Variants in PLEKHM1 observed in about 807,000 individuals in gnomAD.
PLEKHM1 encodes pleckstrin homology and RUN domain containing M1.
In PLEKHM1, 28 loss-of-function variants were observed where a neutral mutation model predicts 94.3. That is an observed-to-expected ratio of 0.30 (90% confidence interval 0.22 to 0.41). PLEKHM1 has a LOEUF of 0.41. Among genes scored for constraint, PLEKHM1 ranks in the 10% least tolerant of loss-of-function variants. The probability of loss-of-function intolerance (pLI) is 1.00; values close to 1 mark genes in which losing one functional copy is unlikely to be tolerated. For synonymous variants in PLEKHM1, 424 were observed against 581.2 expected (o/e 0.73, Z 3.89); for missense variants, 907 against 1,358.6 (o/e 0.67, Z 5.22).
intron 5 of PLEKHM1, among the ~76,000 whole-genome samples, chr17:45,458,671 A>G (rs56042601): frequency 1.7e-4 from 26 of 151,236 alleles, no homozygotes; most frequent in Admixed American, 3.3e-4. Flanking sequence ...GGGTTTCACC[A>G]TGTTGGCCAG....
intron 8 of PLEKHM1, among the ~76,000 whole-genome samples, chr17:45,446,597 G>A (rs563908925): frequency 6.6e-6 from 1 of 152,168 alleles, no homozygotes; most frequent in Non-Finnish European, 1.5e-5. Context: ...GCTTTGGCCT[G>A]GCTCAGATCT....
chr17:45,467,508 C>T (rs1325121427), intron 5 of PLEKHM1, among the ~76,000 whole-genome samples: 1 of 152,112 alleles, frequency 6.6e-6, no homozygotes, highest in African/African-American at 2.4e-5. Flanking sequence ...GCTGAGTGCA[C>T]CAGCTCATGC....
chr17:45,461,828 A>G (rs2051161264), intron 5 of PLEKHM1, among the ~76,000 whole-genome samples: 1 of 151,910 alleles, frequency 6.6e-6, no homozygotes, highest in African/African-American at 2.4e-5. Flanking sequence ...GGTTGCGGGG[A>G]GCATCTGGGG....
intron 6 of PLEKHM1, among the ~76,000 whole-genome samples, chr17:45,457,320 T>C (rs1298070638): frequency 1.3e-5 from 2 of 151,588 alleles, no homozygotes; most frequent in Non-Finnish European, 2.9e-5. Context: ...CCCAGCACTT[T>C]AGGAGGCCGA....
intron 5 of PLEKHM1, chr17:45,464,145 C>T (rs1236965489): frequency 2.6e-5 from 4 of 152,244 alleles, no homozygotes; most frequent in Admixed American, 2.6e-4. Flanking sequence ...AGATCCCAGA[C>T]ATGCATCACC....
chr17:45,442,042 C>T (rs985311549), intron 9 of PLEKHM1, among the ~76,000 whole-genome samples: 5 of 152,178 alleles, frequency 3.3e-5, no homozygotes, highest in Non-Finnish European at 7.4e-5. Context: ...CCTCTGCCCA[C>T]CCCTTCCCGG....
Position 45,477,968 on chromosome 17 carries a change from C to T in PLEKHM1, c.228G>A (p.Lys76=). The change falls in exon 3 of 12, where the codon AAG becomes AAA. Residue 76 remains lysine (K), a synonymous_variant. Coordinates refer to ENST00000430334, the MANE Select transcript of PLEKHM1 (RefSeq NM_014798.3). Reference sequence around the variant, plus strand: ...GCAGAGGCTTCTGGTGGGCACTTTTCTTCCTTTTTCCTCCGGCCTCAGCTC... The same window carrying T: ...GCAGAGGCTTCTGGTGGGCACTTTTTTTCCTTTTTCCTCCGGCCTCAGCTC... The part of the protein sequence containing the change: ...HIRAEAGGKR[K]KSAHQKPLPQ... The T allele has an allele frequency of 1.2e-6, 2 of 1,614,026 alleles. No individual in the cohort carries two copies. Among genetic ancestry groups the T allele is most frequent in the Non-Finnish European group, 1.7e-6 (2 of 1,179,964 alleles).
downstream of PLEKHM1, among the ~76,000 whole-genome samples, chr17:45,435,732 C>T (rs1284463276): frequency 2.6e-5 from 4 of 152,204 alleles, no homozygotes; most frequent in Non-Finnish European, 4.4e-5. Context: ...TCTCCCTGCC[C>T]ACTCCTGGCA....
In PLEKHM1 at chr17:45,468,492, T is replaced by C; in HGVS notation, c.1025A>G (p.His342Arg). ...IPTPQASLSL[H>R]GLNTSTYLHC... Reference sequence around the variant, plus strand: ...CAGGTATGTGCTGGTGTTGAGGCCATGGAGGGAGAGCGAGGCCTGTGGTGT... The same window carrying C: ...CAGGTATGTGCTGGTGTTGAGGCCACGGAGGGAGAGCGAGGCCTGTGGTGT... The change falls in exon 5 of 12, where the codon CAT (histidine) becomes CGT (arginine). Residue 342 changes from histidine to arginine, a missense_variant. His to Arg is a conservative substitution (Grantham distance 29). This residue lies in a region of PLEKHM1 where 477 missense variants were observed against 601.5 expected (regional missense o/e 0.79). Coordinates refer to ENST00000430334, the MANE Select transcript of PLEKHM1 (RefSeq NM_014798.3). The C allele has an allele frequency of 6.2e-7, 1 of 1,614,218 alleles. No homozygotes were observed. The highest frequency in any genetic ancestry group is 8.5e-7 in the Non-Finnish European group (1 of 1,180,040).
At position 45,436,927 on chromosome 17, in the gene PLEKHM1, G is replaced by C. The variant is rs1463450924; in HGVS notation, c.*931C>G. The C allele has an allele frequency of 4.5e-6, 2 of 449,084 alleles. No individual in the cohort carries two copies. The highest frequency in any genetic ancestry group is 4.7e-5 in the Admixed American group (2 of 42,428). The allele number at this position is 449,084 out of a possible 1,614,324, so 27.8% of individuals were successfully genotyped here. On this transcript the variant is annotated 3_prime_UTR_variant, in exon 12 of 12. Coordinates refer to ENST00000430334, the MANE Select transcript of PLEKHM1 (RefSeq NM_014798.3). ...GGCAGGGGTCAGTCAGGCAGAGAGTGTGACCCCGGGCACCCACCAAGGTGG... is the reference window on the plus strand; with the variant it reads ...GGCAGGGGTCAGTCAGGCAGAGAGTCTGACCCCGGGCACCCACCAAGGTGG...
At chr17:45,479,921 A>C (rs1182408698) in intron 2 of PLEKHM1, among the ~76,000 whole-genome samples, 1 of 152,268 alleles carries the variant, frequency 6.6e-6, no homozygotes, top group Admixed American at 6.5e-5. Context: ...AAATCACATA[A>C]GTGATTGGAA....
Position 45,447,361 on chromosome 17 carries a change from G to C in PLEKHM1, c.2644-1698C>G, listed in dbSNP as rs188352254. Among the ~76,000 whole-genome samples, 265 of 152,372 alleles carry C rather than the reference G, an allele frequency of 1.7e-3. 2 individuals are homozygous for C. Among genetic ancestry groups the C allele is most frequent in the Non-Finnish European group, 1.5e-3 (102 of 68,042 alleles). Reference sequence around the variant, plus strand: ...AGGGACAGCCCAATGGCAAACTCCTGGTGACTTGGGTCAAGCTGCTGTTCT... The same window carrying C: ...AGGGACAGCCCAATGGCAAACTCCTCGTGACTTGGGTCAAGCTGCTGTTCT... On this transcript the variant is annotated intron_variant, in intron 8 of 11. Coordinates refer to ENST00000430334, the MANE Select transcript of PLEKHM1 (RefSeq NM_014798.3).
intron 1 of PLEKHM1, among the ~76,000 whole-genome samples, chr17:45,490,418 CGGGCTGG>C (rs2052277087): frequency 6.6e-6 from 1 of 150,578 alleles, no homozygotes; most frequent in Non-Finnish European, 1.5e-5. Flanking sequence ...GATGCGGGCG[CGGGCTGG>C]GGGCTGGACA....
rs572389744 is a variant in PLEKHM1 at position 45,442,593 on chromosome 17, C to T, written c.2838-2367G>A. ...GCTAATTTTGTACTTTTAGTAGAGA[C>T]GGGGTTTCACTATGTTGGCCAGGCT... On this transcript the variant is annotated intron_variant, in intron 9 of 11. Transcript: ENST00000430334. Among the ~76,000 whole-genome samples, 433 of 152,226 alleles carry T rather than the reference C, an allele frequency of 2.8e-3. 2 individuals carry two copies. The highest frequency in any genetic ancestry group is 9.7e-3 in the African/African-American group (404 of 41,532).
chr17:45,486,744 G>C (rs1203147245), intron 1 of PLEKHM1, among the ~76,000 whole-genome samples: 1 of 152,142 alleles, frequency 6.6e-6, no homozygotes, highest in Non-Finnish European at 1.5e-5. Flanking sequence ...CTGAGCCTCT[G>C]GGGTTCCAGC....
At position 45,453,189 on chromosome 17, in the gene PLEKHM1, T is replaced by G; in HGVS notation, c.2497+166A>C. 1.5e-6 allele frequency: 1 copy of G among 669,486 alleles called. No homozygotes were observed. Among genetic ancestry groups the G allele is most frequent in the Non-Finnish European group, 2.7e-6 (1 of 365,944 alleles). The allele number at this position is 669,486 out of a possible 1,614,324, so 41.5% of individuals were successfully genotyped here. A position where few individuals can be genotyped will look rare whatever the true frequency, so the allele number is the denominator to read the frequency against. ...GCAGGGCACTGGCCCCAGCCGGGGC[T>G]GGGGAGGAGCAGAAGCTGTAGGGCA... On this transcript the variant is annotated intron_variant, in intron 7 of 11. Coordinates refer to ENST00000430334, the MANE Select transcript of PLEKHM1 (RefSeq NM_014798.3). This position sits in a 1 kb window ranked among gnomAD's most constrained non-coding sequence, Gnocchi z 4.1.
At chr17:45,486,308 C>T (rs1425028786) in intron 1 of PLEKHM1, among the ~76,000 whole-genome samples, 4 of 150,600 alleles carry the variant, frequency 2.7e-5, no homozygotes, top group East Asian at 3.9e-4. Context: ...GCTGGCTGGG[C>T]GCGGTGGCTC....
intron 5 of PLEKHM1, among the ~76,000 whole-genome samples, chr17:45,461,609 G>A (rs1253899365): frequency 6.6e-6 from 1 of 152,140 alleles, no homozygotes; most frequent in Non-Finnish European, 1.5e-5. Flanking sequence ...TGGGTATTCA[G>A]CTGTCCCAGC....
In PLEKHM1 at chr17:45,475,576, G is replaced by T; in HGVS notation, c.447C>A (p.Tyr149Ter). Residue 149 changes from tyrosine to a stop codon, truncating the protein, a stop_gained, in exon 4 of 12, where the codon TAC becomes TAA. Coordinates refer to ENST00000430334, the MANE Select transcript of PLEKHM1 (RefSeq NM_014798.3). LOFTEE classifies it high-confidence loss of function. ...CATCCCGGAGCAGGGCGGTGGGCTG[G>T]TAGTACTCATGCAAGCGGGCCTGCT... ...LQEQARLHEY[Y>*]QPTALLRDAE... is the part of the protein sequence containing the mutation. 6.2e-7 allele frequency: 1 copy of T among 1,613,908 alleles called. No homozygotes were observed. Among genetic ancestry groups the T allele is most frequent in the Non-Finnish European group, 8.5e-7 (1 of 1,179,852 alleles).
Sources: gnomAD v4.1 joint callset for allele counts (sites outside exome capture counted in the v4.1 genomes callset) on GRCh38, gnomAD v4.1.1 for gene constraint, gnomAD v4.1.1 regional missense constraint, Gnocchi (gnomAD v3.1) non-coding constraint, MANE v1.5 for transcripts, NCBI Gene and HGNC (gene_info 2026-07-23, HGNC 2026-07-21) for gene names.